Variants in ADGRV1 observed in about 807,000 individuals in gnomAD.
ADGRV1 encodes the protein G-protein coupled receptor 98.
In ADGRV1, 359 loss-of-function variants were observed where a neutral mutation model predicts 596.2. The observed-to-expected ratio is 0.60, with a 90% CI of 0.55 to 0.66. The LOEUF is 0.66. Among genes scored for constraint, ADGRV1 ranks in the 30% least tolerant of loss-of-function variants. ADGRV1 has a pLI of 0.00. For synonymous variants in ADGRV1, 2,681 were observed against 2,679.2 expected (o/e 1.00, Z -0.02); for missense variants, 7,274 against 7,575.6 (o/e 0.96, Z 1.48).
chr5:90,988,928 ATGGTTTCC>A (rs371492233), intron 85 of ADGRV1, among the ~76,000 whole-genome samples: 33,296 of 151,426 alleles, frequency 0.22, 4,013 homozygotes, highest in Non-Finnish European at 0.28. Context: ...GCTGAGAATG[ATGGTTTCC>A]AGCTTCATCC....
At chr5:91,059,152 T>C (rs1202741129) in intron 85 of ADGRV1, among the ~76,000 whole-genome samples, 1 of 152,210 alleles carries the variant, frequency 6.6e-6, no homozygotes, top group Non-Finnish European at 1.5e-5. Context: ...ACCTACGGCA[T>C]GCCAGCCTCT....
At chr5:90,581,681 A>G (rs1241453294) in intron 1 of ADGRV1, among the ~76,000 whole-genome samples, 1 of 152,168 alleles carries the variant, frequency 6.6e-6, no homozygotes, top group East Asian at 1.9e-4. Context: ...GGTGTCTCCC[A>G]GTTAGGCCAC....
At chr5:91,141,263 T>C (rs1795073817) in intron 87 of ADGRV1, among the ~76,000 whole-genome samples, 1 of 152,242 alleles carries the variant, frequency 6.6e-6, no homozygotes, top group Admixed American at 6.5e-5. Context: ...CAGACTTCTT[T>C]TATTATCTCT....
intron 85 of ADGRV1, among the ~76,000 whole-genome samples, chr5:91,037,045 C>A (rs1784971141): frequency 6.6e-6 from 1 of 152,108 alleles, no homozygotes; most frequent in Non-Finnish European, 1.5e-5. Context: ...AGAGACAAAG[C>A]AATTTTATCA....
chr5:90,977,167 A>G (rs1779686134), intron 84 of ADGRV1, among the ~76,000 whole-genome samples: 1 of 152,212 alleles, frequency 6.6e-6, no homozygotes, highest in Non-Finnish European at 1.5e-5. Context: ...ACTGGGAATT[A>G]TCAAGATAAA....
At chr5:91,130,481 C>A (rs1188421752) in intron 87 of ADGRV1, among the ~76,000 whole-genome samples, 1 of 124,936 alleles carries the variant, frequency 8.0e-6, no homozygotes, top group African/African-American at 3.0e-5. Context: ...GAGATTGTGC[C>A]ATTGCACTCC....
chr5:90,685,698 G>A lies in ADGRV1; in HGVS notation c.6275-82G>A, dbSNP rs1050829484. 4.9e-6 allele frequency: 4 copies of A among 820,902 alleles called. No individual in the cohort carries two copies. The African/African-American group carries it at 5.1e-5, about 10-fold the overall frequency. The allele number at this position is 820,902 out of a possible 1,614,324, so 50.9% of individuals were successfully genotyped here. ...AATCCTATTTGGCTGATGGAATCTT[G>A]CTGAGGTTTCTTGATGACTTTTGGC... On this transcript the variant is annotated intron_variant, in intron 28 of 89. Coordinates refer to ENST00000405460, the MANE Select transcript of ADGRV1 (RefSeq NM_032119.4).
chr5:90,776,659 A>G, intron 61 of ADGRV1, 83 bp downstream of exon 61: 1 of 1,389,418 alleles, frequency 7.2e-7, no homozygotes, highest in Non-Finnish European at 1.0e-6. Flanking sequence ...TATCATTCTC[A>G]ATACATACAT....
chr5:91,140,285 A>G (rs542249079), intron 87 of ADGRV1, among the ~76,000 whole-genome samples: 2 of 152,260 alleles, frequency 1.3e-5, no homozygotes, highest in South Asian at 4.1e-4. Context: ...TTCCCCTTTC[A>G]TCATCATCAA....
chr5:90,840,957 T>C lies in ADGRV1; in HGVS notation c.16991T>C (p.Leu5664Pro). 6.9e-7 allele frequency: 1 copy of C among 1,451,848 alleles called. No homozygotes were observed. Among genetic ancestry groups the C allele is most frequent in the Non-Finnish European group, 9.1e-7 (1 of 1,097,580 alleles). The allele number at this position is 1,451,848 out of a possible 1,614,324, so 89.9% of individuals were successfully genotyped here. A position where few individuals can be genotyped will look rare whatever the true frequency, so the allele number is the denominator to read the frequency against. ...GCCACAGAAAACACAGATGAACAAC[T>C]CAGTGCCATGATGCATTTAATAGAA... is the stretch of plus-strand genomic sequence containing the variant. Reference protein sequence around the residue: ...KVATENTDEQLSAMMHLIEKI... With the variant: ...KVATENTDEQPSAMMHLIEKI... Residue 5664 changes from leucine to proline, a missense_variant, in exon 78 of 90, where the codon CTC (leucine) becomes CCC (proline). By Grantham distance (98) the Leu-to-Pro change is moderately conservative (BLOSUM62 -3). Around this residue, in one of 5 missense-constraint regions of ADGRV1, gnomAD observed 1,874 missense variants for 1,970.2 expected, o/e 0.95. Coordinates refer to ENST00000405460, the MANE Select transcript of ADGRV1 (RefSeq NM_032119.4).
At chr5:90,702,014 C>A (rs937490895) in intron 34 of ADGRV1, among the ~76,000 whole-genome samples, 9 of 151,358 alleles carry the variant, frequency 5.9e-5, no homozygotes, top group African/African-American at 2.2e-4. Context: ...GTTTGAAAAC[C>A]ATGACTCTTA....
chr5:90,821,812 T>C (rs540947610), intron 75 of ADGRV1, among the ~76,000 whole-genome samples: 1 of 152,108 alleles, frequency 6.6e-6, no homozygotes, highest in East Asian at 1.9e-4. Context: ...ACCACTGCTC[T>C]CTTCAAAGCT....
intron 17 of ADGRV1, among the ~76,000 whole-genome samples, chr5:90,650,774 T>C (rs973373874): frequency 1.3e-5 from 2 of 152,102 alleles, no homozygotes; most frequent in Admixed American, 1.3e-4. Context: ...TTATGATAGA[T>C]TGACAAAGAG....
At chr5:90,850,578 C>T (rs1375326581) in intron 79 of ADGRV1, 1 of 152,078 alleles carries the variant, frequency 6.6e-6, no homozygotes. Context: ...ATTGTTTTCC[C>T]CTGTTGAACT....
chr5:90,820,650 T>G (rs1763396694), intron 75 of ADGRV1, among the ~76,000 whole-genome samples: 1 of 149,866 alleles, frequency 6.7e-6, no homozygotes. Context: ...GTCTGTAAAG[T>G]ATTTTATTTC....
intron 1 of ADGRV1, among the ~76,000 whole-genome samples, chr5:90,579,863 G>A (rs888876829): frequency 1.3e-5 from 2 of 152,018 alleles, no homozygotes; most frequent in African/African-American, 4.8e-5. Context: ...TTATGTAATG[G>A]CCTTCTTTGT....
chr5:91,069,586 C>T (rs183616198), intron 85 of ADGRV1, among the ~76,000 whole-genome samples: 1 of 152,032 alleles, frequency 6.6e-6, no homozygotes, highest in Non-Finnish European at 1.5e-5. Flanking sequence ...TCAGAATGGT[C>T]ATTATTAAAA....
At chr5:90,672,833 A>G (rs569003016) in intron 22 of ADGRV1, 111 bp downstream of exon 22, 57 of 761,292 alleles carry the variant, frequency 7.5e-5, no homozygotes, top group East Asian at 1.5e-4. Flanking sequence ...TCCCATTATT[A>G]TTTACAACTG....
chr5:91,057,665 T>C (rs1418827458), intron 85 of ADGRV1, among the ~76,000 whole-genome samples: 4 of 152,204 alleles, frequency 2.6e-5, no homozygotes, highest in African/African-American at 7.2e-5. Context: ...TTCCTTATGA[T>C]AAAATATTTT....
Sources: gnomAD v4.1 joint callset for allele counts (sites outside exome capture counted in the v4.1 genomes callset) on GRCh38, gnomAD v4.1.1 for gene constraint, gnomAD v4.1.1 regional missense constraint, MANE v1.5 for transcripts, NCBI Gene and HGNC (gene_info 2026-07-23, HGNC 2026-07-21) for gene names.